The following RASSF8 variants were observed in gnomAD, a reference collection of about 807,000 sequenced individuals.
RASSF8 encodes Ras association domain family member 8.
A neutral mutation model predicts 48.5 loss-of-function variants in RASSF8; 22 were observed. The ratio of observed to expected loss-of-function variants is 0.45; its 90% CI spans 0.32 to 0.65. The LOEUF (loss-of-function observed/expected upper bound fraction) is 0.65. RASSF8 is among the 30% of genes least tolerant of loss of function. RASSF8 has a pLI of 0.03. For missense variants in RASSF8, 418 were observed against 489.2 expected (o/e 0.85, Z 1.37); for synonymous variants, 127 against 171.5 (o/e 0.74, Z 2.03).
rs7953315 is a variant in RASSF8 at position 25,967,363 on chromosome 12, A to C, written c.-203+8215A>C. Among the ~76,000 whole-genome samples, 1,079 of 152,306 alleles carry C rather than the reference A, an allele frequency of 7.1e-3. 18 individuals are homozygous for C. The highest frequency in any genetic ancestry group is 0.025 in the African/African-American group (1,033 of 41,560). ...GTACATACATACCTTATCCCTTTTA[A>C]CTAATCTCAAATACACTTTTTAAAA... On this transcript the variant is annotated intron_variant, in intron 1 of 5. Transcript: ENST00000689635.
Position 26,071,125 on chromosome 12 carries a change from T to C in RASSF8, c.*2307T>C. On this transcript the variant is annotated 3_prime_UTR_variant, in exon 6 of 6. Transcript: ENST00000689635. ...TTGAATACATTGAGAAGCTGTACTT[T>C]TTAATTAGTTATATTACTTCTGGAA... is the stretch of plus-strand genomic sequence containing the variant. The C allele has an allele frequency of 2.1e-6, 2 of 974,176 alleles. No individual in the cohort carries two copies. Among genetic ancestry groups the C allele is most frequent in the Non-Finnish European group, 2.4e-6 (2 of 819,708 alleles). The allele number at this position is 974,176 out of a possible 1,614,324, so 60.3% of individuals were successfully genotyped here.
chr12:26,022,341 A>G (rs568700533), intron 2 of RASSF8, among the ~76,000 whole-genome samples: 2 of 152,354 alleles, frequency 1.3e-5, no homozygotes, highest in South Asian at 4.1e-4. Flanking sequence ...AAAATAGTCA[A>G]GTTACTCAAC....
chr12:25,980,133 C>G (rs1941705593), intron 1 of RASSF8, among the ~76,000 whole-genome samples: 1 of 152,136 alleles, frequency 6.6e-6, no homozygotes, highest in African/African-American at 2.4e-5. Context: ...GGTTAAAAAC[C>G]AATTTAAGCA....
intron 1 of RASSF8, among the ~76,000 whole-genome samples, chr12:25,975,306 C>T (rs973207872): frequency 3.9e-5 from 6 of 152,122 alleles, no homozygotes; most frequent in Non-Finnish European, 8.8e-5. Context: ...GTGGCTGGAG[C>T]TGAGGTTAGG....
At chr12:26,047,037 C>T (rs1943386788) in intron 2 of RASSF8, among the ~76,000 whole-genome samples, 1 of 152,096 alleles carries the variant, frequency 6.6e-6, no homozygotes, top group African/African-American at 2.4e-5. Context: ...GTCTCTAATC[C>T]CAGTTCTGAG....
At chr12:26,005,372 C>A (rs901832337) in intron 2 of RASSF8, among the ~76,000 whole-genome samples, 1 of 152,114 alleles carries the variant, frequency 6.6e-6, no homozygotes, top group Admixed American at 6.6e-5. Flanking sequence ...TATGTAATTA[C>A]CTGACAGGTG....
chr12:26,066,093 AAAT>A (rs1943868005), intron 4 of RASSF8, among the ~76,000 whole-genome samples: 1 of 152,176 alleles, frequency 6.6e-6, no homozygotes, highest in African/African-American at 2.4e-5. Context: ...AATTAAGATT[AAAT>A]AATAAGGCAG....
intron 2 of RASSF8, among the ~76,000 whole-genome samples, chr12:26,002,687 A>G (rs1468013259): frequency 2.0e-5 from 3 of 152,178 alleles, no homozygotes; most frequent in Admixed American, 1.3e-4. Flanking sequence ...ACACAGGAGA[A>G]TCACTTGAAC....
intron 2 of RASSF8, among the ~76,000 whole-genome samples, chr12:26,052,145 A>G (rs761570417): frequency 2.5e-4 from 38 of 152,344 alleles, no homozygotes; most frequent in Middle Eastern, 3.4e-3. Context: ...AATAACCCTG[A>G]AAGCACCACA....
chr12:26,002,255 A>G (rs1942277277), intron 2 of RASSF8, among the ~76,000 whole-genome samples: 2 of 151,926 alleles, frequency 1.3e-5, no homozygotes, highest in African/African-American at 2.4e-5. Flanking sequence ...CAACATGGCA[A>G]AACCCTGTCT....
intron 2 of RASSF8, among the ~76,000 whole-genome samples, chr12:26,022,722 G>A (rs1320091915): frequency 6.6e-6 from 1 of 151,770 alleles, no homozygotes; most frequent in East Asian, 1.9e-4. Context: ...TACTAAAGGG[G>A]CTCCACAGTT....
At chr12:26,040,645 C>G (rs761317609) in intron 2 of RASSF8, among the ~76,000 whole-genome samples, 29 of 152,118 alleles carry the variant, frequency 1.9e-4, no homozygotes, top group Non-Finnish European at 3.2e-4. Flanking sequence ...TGACATCTTT[C>G]CTAACACCCC....
intron 1 of RASSF8, among the ~76,000 whole-genome samples, chr12:25,968,842 TG>T (rs1238395574): frequency 1.3e-5 from 2 of 151,952 alleles, no homozygotes; most frequent in Non-Finnish European, 2.9e-5. Flanking sequence ...AAAAATAAGG[TG>T]GGGGGATTGA....
intron 2 of RASSF8, among the ~76,000 whole-genome samples, chr12:26,053,443 A>C (rs1036584949): frequency 1.3e-5 from 2 of 152,234 alleles, no homozygotes; most frequent in Admixed American, 1.3e-4. Context: ...TAGTAAGTAG[A>C]GTGCCTCGCA....
intron 3 of RASSF8, among the ~76,000 whole-genome samples, chr12:26,063,018 C>G (rs990670687): frequency 1.3e-5 from 2 of 152,152 alleles, no homozygotes; most frequent in Admixed American, 6.5e-5. Flanking sequence ...TTAATGTGCT[C>G]CTCATGAATT....
intron 1 of RASSF8, among the ~76,000 whole-genome samples, chr12:25,980,442 C>T (rs1434612137): frequency 7.2e-5 from 11 of 152,198 alleles, no homozygotes; most frequent in Admixed American, 7.2e-4. Context: ...CCTCCGTAAT[C>T]ATTTCTGTGC....
At chr12:26,009,149 C>T (rs148146262) in intron 2 of RASSF8, among the ~76,000 whole-genome samples, 4 of 152,198 alleles carry the variant, frequency 2.6e-5, no homozygotes, top group East Asian at 3.9e-4. Context: ...CCAAGCTCAC[C>T]GACGTGTTAG....
intron 2 of RASSF8, among the ~76,000 whole-genome samples, chr12:25,998,727 A>C (rs551714238): frequency 6.6e-6 from 1 of 152,264 alleles, no homozygotes; most frequent in South Asian, 2.1e-4. Context: ...GAAGTTAAAA[A>C]TTCTCAAAGA....
intron 2 of RASSF8, among the ~76,000 whole-genome samples, chr12:26,018,088 TA>T (rs1942694408): frequency 6.6e-6 from 1 of 150,886 alleles, no homozygotes; most frequent in Admixed American, 6.6e-5. Context: ...CATTTATTAA[TA>T]TTTTTCATTG....
Sources: allele counts gnomAD v4.1 joint callset (sites outside exome capture counted in the v4.1 genomes callset), GRCh38; gene constraint gnomAD v4.1.1; transcripts MANE v1.5; gene names NCBI Gene and HGNC (gene_info 2026-07-23, HGNC 2026-07-21).